Variants in CEP112 observed in about 807,000 individuals in gnomAD.
CEP112 encodes the protein centrosomal protein of 112 kDa.
Under a neutral mutation model 153.0 loss-of-function variants are expected in CEP112, and 127 were observed. The observed-to-expected ratio is 0.83, with a 90% CI of 0.72 to 0.96. The LOEUF is 0.96. CEP112 is among the 40% of genes least tolerant of loss of function. The probability of loss-of-function intolerance (pLI) is 0.00; values close to 1 mark genes in which losing one functional copy is unlikely to be tolerated. For synonymous variants in CEP112, 358 were observed against 374.4 expected, an observed-to-expected ratio of 0.96 and a Z score of 0.51; for missense variants, 1,089 against 1,101.2, an observed-to-expected ratio of 0.99 and a Z score of 0.16.
intron 2 of CEP112, among the ~76,000 whole-genome samples, chr17:66,181,446 C>T (rs572247166): frequency 6.6e-5 from 10 of 152,062 alleles, no homozygotes; most frequent in Middle Eastern, 3.4e-3. Flanking sequence ...CCCGAGTTCA[C>T]GCCATTCTCC....
chr17:65,972,360 CAA>C (rs1279261061), intron 17 of CEP112, among the ~76,000 whole-genome samples: 3 of 151,974 alleles, frequency 2.0e-5, no homozygotes, highest in African/African-American at 7.2e-5. Flanking sequence ...AAACTGAAAA[CAA>C]ATATCAAAAT....
chr17:65,993,762 G>T (rs934899428), intron 17 of CEP112, among the ~76,000 whole-genome samples: 2 of 152,154 alleles, frequency 1.3e-5, no homozygotes, highest in Admixed American at 1.3e-4. Flanking sequence ...CATTCTGTAT[G>T]ATTTTATTTA....
chr17:65,984,895 A>G (rs2063347273), intron 17 of CEP112, among the ~76,000 whole-genome samples: 1 of 152,170 alleles, frequency 6.6e-6, no homozygotes, highest in Admixed American at 6.5e-5. Context: ...AAGAGGGATG[A>G]CGAAAACCAA....
At chr17:65,988,341 A>T (rs911987781) in intron 17 of CEP112, among the ~76,000 whole-genome samples, 1 of 152,218 alleles carries the variant, frequency 6.6e-6, no homozygotes, top group Non-Finnish European at 1.5e-5. Context: ...TGAATAAATA[A>T]CTAATCCTTC....
rs543679973 is a variant in CEP112 at position 66,096,144 on chromosome 17, C to A, written c.768+107G>T. 1.3e-5 allele frequency: 9 copies of A among 704,320 alleles called. No individual in the cohort carries two copies. In the East Asian group the frequency reaches 2.4e-4, roughly 19 times the overall value. The allele number at this position is 704,320 out of a possible 1,614,324, so 43.6% of individuals were successfully genotyped here. A position where few individuals can be genotyped will look rare whatever the true frequency, so the allele number is the denominator to read the frequency against. ...GTTTTATATTTGTTTCAAGTGCAAC[C>A]TCTTCCTAGAATATACCATTATTTT... is the stretch of plus-strand genomic sequence containing the variant. On this transcript the variant is annotated intron_variant, in intron 8 of 26. Coordinates refer to ENST00000535342, the MANE Select transcript of CEP112 (RefSeq NM_001199165.4).
intron 19 of CEP112, among the ~76,000 whole-genome samples, chr17:65,914,413 CT>C (rs2060399226): frequency 6.6e-6 from 1 of 151,510 alleles, no homozygotes; most frequent in African/African-American, 2.4e-5. Context: ...TTTTATTTTC[CT>C]TATCTTGCCT....
intron 20 of CEP112, among the ~76,000 whole-genome samples, chr17:65,893,084 A>C (rs757759693): frequency 6.6e-6 from 1 of 152,080 alleles, no homozygotes; most frequent in Non-Finnish European, 1.5e-5. Flanking sequence ...CCTTGTTTTA[A>C]GATGGTGGGC....
chr17:65,969,384 G>A (rs1233078553), intron 17 of CEP112, among the ~76,000 whole-genome samples: 1 of 152,114 alleles, frequency 6.6e-6, no homozygotes, highest in Non-Finnish European at 1.5e-5. Context: ...CATGTACATT[G>A]CATAATACAT....
In CEP112 at chr17:66,096,572, A is replaced by G; in HGVS notation, c.690+13T>C. On this transcript the variant is annotated intron_variant, in intron 7 of 26. Coordinates refer to ENST00000535342, the MANE Select transcript of CEP112 (RefSeq NM_001199165.4). The stretch of plus-strand genomic sequence containing the variant: ...CCTGCCCCTAGAAAAAGTCCAATGG[A>G]TTTCTCACATACCAGAGAAACTGGG... 2 of 1,569,832 alleles carry G rather than the reference A, an allele frequency of 1.3e-6. No homozygotes were observed. The highest frequency in any genetic ancestry group is 1.7e-6 in the Non-Finnish European group (2 of 1,145,140).
At chr17:65,937,097 C>T (rs188508520) in intron 18 of CEP112, among the ~76,000 whole-genome samples, 64,570 of 140,580 alleles carry the variant, frequency 0.46, 16,066 homozygotes, top group East Asian at 0.89. Context: ...GGATTGCAGA[C>T]AGAGTCTCGT....
intron 17 of CEP112, among the ~76,000 whole-genome samples, chr17:65,997,790 TCCCCC>T (rs5821560): frequency 6.7e-5 from 10 of 149,826 alleles, no homozygotes; most frequent in Admixed American, 3.3e-4. Context: ...ACCCTAAACA[TCCCCC>T]CCCCCACACA....
intron 20 of CEP112, among the ~76,000 whole-genome samples, chr17:65,856,672 T>G (rs1312319855): frequency 6.6e-6 from 1 of 152,220 alleles, no homozygotes; most frequent in African/African-American, 2.4e-5. Flanking sequence ...TGGTAAAATC[T>G]GGGCTTTTAG....
chr17:66,053,208 A>T (rs775378109), intron 12 of CEP112, among the ~76,000 whole-genome samples: 1 of 151,948 alleles, frequency 6.6e-6, no homozygotes, highest in Non-Finnish European at 1.5e-5. Flanking sequence ...AGGGTTAAAA[A>T]ATAATAAATA....
At chr17:65,924,932 C>T (rs1430668151) in intron 19 of CEP112, among the ~76,000 whole-genome samples, 1 of 152,106 alleles carries the variant, frequency 6.6e-6, no homozygotes, top group Non-Finnish European at 1.5e-5. Flanking sequence ...CATGATAATA[C>T]CTCAGTACTC....
intron 23 of CEP112, among the ~76,000 whole-genome samples, chr17:65,723,695 T>G (rs2050021775): frequency 1.3e-5 from 2 of 152,234 alleles, no homozygotes; most frequent in South Asian, 4.1e-4. Flanking sequence ...TTGTTTTGGC[T>G]CCAACTAAAC....
chr17:65,817,360 T>G (rs2145965625), intron 21 of CEP112, among the ~76,000 whole-genome samples: 1 of 152,000 alleles, frequency 6.6e-6, no homozygotes, highest in Middle Eastern at 3.4e-3. Context: ...AAACAGGTGC[T>G]AAAATATGGG....
At chr17:66,161,896 G>T (rs1445818181) in intron 4 of CEP112, among the ~76,000 whole-genome samples, 1 of 2,472 alleles carries the variant, frequency 4.0e-4, no homozygotes, top group Admixed American at 8.8e-3. Context: ...ACATTACACT[G>T]TAAAAAAAAA....
At chr17:66,132,818 T>C in intron 4 of CEP112, 55 bp from the exon 5 acceptor site, 1 of 1,100,826 alleles carries the variant, frequency 9.1e-7, no homozygotes, top group South Asian at 1.3e-5. Flanking sequence ...GGACACAGAG[T>C]ATTAGAATCT....
intron 19 of CEP112, among the ~76,000 whole-genome samples, chr17:65,905,700 C>T (rs1054235736): frequency 1.1e-4 from 17 of 152,112 alleles, no homozygotes; most frequent in African/African-American, 3.9e-4. Context: ...GAGGCTGAGG[C>T]AGGTGGATCA....
Sources: gnomAD v4.1 joint callset for allele counts (sites outside exome capture counted in the v4.1 genomes callset) on GRCh38, gnomAD v4.1.1 for gene constraint, MANE v1.5 for transcripts, NCBI Gene and HGNC (gene_info 2026-07-23, HGNC 2026-07-21) for gene names.